The following GXYLT2 variants were observed in gnomAD, a reference collection of about 807,000 sequenced individuals.
GXYLT2 encodes the protein glycosyltransferase 8 domain containing 4.
A neutral mutation model predicts 45.8 loss-of-function variants in GXYLT2; 53 were observed. That is an observed-to-expected ratio of 1.16 (90% CI 0.93 to 1.46). The LOEUF (loss-of-function observed/expected upper bound fraction) is 1.46, where lower values mean the gene tolerates loss of function less well. GXYLT2 is among the 40% of genes most tolerant of loss of function. The probability of loss-of-function intolerance (pLI) is 0.00; values close to 1 mark genes in which losing one functional copy is unlikely to be tolerated. For synonymous variants in GXYLT2, 219 were observed against 214.2 expected (o/e 1.02, Z -0.19); for missense variants, 551 against 544.4 (o/e 1.01, Z -0.12).
intron 2 of GXYLT2, among the ~76,000 whole-genome samples, chr3:72,920,818 ATTT>A (rs11314689): frequency 7.3e-6 from 1 of 137,924 alleles, no homozygotes. Context: ...ATATATATGT[ATTT>A]TTTTTTTTTT....
chr3:72,900,976 A>C (rs1055010506), intron 1 of GXYLT2, among the ~76,000 whole-genome samples: 11 of 151,796 alleles, frequency 7.2e-5, no homozygotes, highest in Admixed American at 4.6e-4. Flanking sequence ...AACATGGTGC[A>C]ACCCCATCTC....
chr3:72,889,570 T>G (rs1218870377), intron 1 of GXYLT2, among the ~76,000 whole-genome samples: 1 of 152,218 alleles, frequency 6.6e-6, no homozygotes, highest in East Asian at 1.9e-4. Flanking sequence ...ATCTGTCGCT[T>G]TAAAGTACTT....
intron 3 of GXYLT2, among the ~76,000 whole-genome samples, chr3:72,937,288 T>C (rs1324647142): frequency 1.3e-5 from 2 of 152,262 alleles, no homozygotes; most frequent in African/African-American, 2.4e-5. Context: ...TTCTGTCTTA[T>C]ATATTTATGT....
chr3:72,924,192 CTTT>C (rs10635700), intron 3 of GXYLT2, among the ~76,000 whole-genome samples: 5 of 136,730 alleles, frequency 3.7e-5, no homozygotes, highest in Admixed American at 1.5e-4. Context: ...TGGTCTTTGT[CTTT>C]TTTTTTTTTT....
intron 1 of GXYLT2, among the ~76,000 whole-genome samples, chr3:72,905,338 G>A (rs1048468302): frequency 5.3e-5 from 8 of 152,154 alleles, no homozygotes; most frequent in South Asian, 2.1e-4. Flanking sequence ...GGCTGGTCTC[G>A]AACTCCTGAC....
intron 3 of GXYLT2, among the ~76,000 whole-genome samples, chr3:72,938,489 A>G (rs1028942833): frequency 6.6e-6 from 1 of 152,204 alleles, no homozygotes; most frequent in Non-Finnish European, 1.5e-5. Flanking sequence ...TTGTGATCCA[A>G]TGATCCTGTT....
rs528773735 is a variant in GXYLT2 at position 72,975,358 on chromosome 3, T to A, written c.*199T>A. The A allele has an allele frequency of 1.6e-5, 6 of 381,548 alleles. No homozygotes were observed. The South Asian group carries it at 5.1e-4, about 32-fold the overall frequency. The allele number at this position is 381,548 out of a possible 1,614,324, so 23.6% of individuals were successfully genotyped here. On this transcript the variant is annotated 3_prime_UTR_variant, in exon 7 of 7. Transcript: ENST00000389617. ...CTTATTTTTTTTTCTAAAATGCTAT[T>A]TATCTCTAAGGAAAAAAAAAAAAGA... is the stretch of plus-strand genomic sequence containing the variant.
At chr3:72,963,645 G>C (rs946126787) in intron 5 of GXYLT2, among the ~76,000 whole-genome samples, 1 of 150,612 alleles carries the variant, frequency 6.6e-6, no homozygotes, top group Admixed American at 6.7e-5. Context: ...TGGGATTACA[G>C]GTGTGTACCA....
intron 3 of GXYLT2, among the ~76,000 whole-genome samples, chr3:72,940,534 TA>T (rs1710278826): frequency 2.0e-5 from 3 of 151,976 alleles, no homozygotes; most frequent in African/African-American, 7.3e-5. Context: ...GGGGGTTGGT[TA>T]TGGGGGTTTG....
chr3:72,935,556 T>C (rs1453491686), intron 3 of GXYLT2, among the ~76,000 whole-genome samples: 1 of 152,176 alleles, frequency 6.6e-6, no homozygotes, highest in Non-Finnish European at 1.5e-5. Context: ...ATCAGGCATA[T>C]TGACTGAACT....
At chr3:72,945,543 G>A (rs1173303375) in intron 3 of GXYLT2, among the ~76,000 whole-genome samples, 5 of 152,184 alleles carry the variant, frequency 3.3e-5, no homozygotes, top group African/African-American at 4.8e-5. Context: ...GAGACATGAC[G>A]GAAGGAAGGA....
At chr3:72,940,330 A>G (rs556783197) in intron 3 of GXYLT2, among the ~76,000 whole-genome samples, 1 of 152,228 alleles carries the variant, frequency 6.6e-6, no homozygotes, top group Non-Finnish European at 1.5e-5. Flanking sequence ...TGGAGCTTAT[A>G]TCCAAGTCAG....
intron 1 of GXYLT2, among the ~76,000 whole-genome samples, chr3:72,892,074 C>A (rs748564102): frequency 6.6e-6 from 1 of 152,114 alleles, no homozygotes; most frequent in Non-Finnish European, 1.5e-5. Flanking sequence ...CATGTGGAGT[C>A]CAGCAAATTG....
chr3:72,933,618 G>T (rs1036276092), intron 3 of GXYLT2, among the ~76,000 whole-genome samples: 1 of 152,180 alleles, frequency 6.6e-6, no homozygotes, highest in African/African-American at 2.4e-5. Context: ...TTGATTGAAA[G>T]GATGTTGGGG....
intron 6 of GXYLT2, among the ~76,000 whole-genome samples, chr3:72,970,586 G>A (rs543114659): frequency 1.2e-4 from 19 of 152,242 alleles, no homozygotes; most frequent in African/African-American, 3.4e-4. Flanking sequence ...TTGGCTGAGC[G>A]TGGTGGCTCA....
intron 3 of GXYLT2, among the ~76,000 whole-genome samples, chr3:72,925,451 T>C (rs1709901062): frequency 6.6e-6 from 1 of 152,136 alleles, no homozygotes; most frequent in African/African-American, 2.4e-5. Context: ...CCACTGCGCC[T>C]GGCCACATCG....
At chr3:72,968,097 CCA>C (rs1283016002) in intron 6 of GXYLT2, among the ~76,000 whole-genome samples, 2 of 152,168 alleles carry the variant, frequency 1.3e-5, no homozygotes. Context: ...CCTCAGCCTC[CCA>C]AGTAGCTGGG....
chr3:72,959,106 CTTTTTT>C (rs55680713), intron 5 of GXYLT2, among the ~76,000 whole-genome samples: 2 of 60,000 alleles, frequency 3.3e-5, no homozygotes, highest in African/African-American at 8.4e-5. Context: ...CCACACCCAG[CTTTTTT>C]TTTTTTTTTT....
intron 3 of GXYLT2, among the ~76,000 whole-genome samples, chr3:72,934,955 G>C (rs1710149478): frequency 2.0e-5 from 3 of 152,142 alleles, no homozygotes; most frequent in Non-Finnish European, 4.4e-5. Flanking sequence ...TTCCTCCAAT[G>C]ATGTGCATAG....
Sources: allele counts gnomAD v4.1 joint callset (sites outside exome capture counted in the v4.1 genomes callset), GRCh38; gene constraint gnomAD v4.1.1; transcripts MANE v1.5; gene names NCBI Gene and HGNC (gene_info 2026-07-23, HGNC 2026-07-21).